Variants in TENM1 observed in about 807,000 individuals in gnomAD.
TENM1 encodes teneurin-1.
TENM1 carries 35 observed loss-of-function variants against 174.8 expected under a neutral mutation model. That is an observed-to-expected ratio of 0.20 (90% confidence interval 0.15 to 0.27). The LOEUF (loss-of-function observed/expected upper bound fraction) is 0.27. TENM1 is among the 10% of genes least tolerant of loss of function. The pLI is 1.00. For missense variants in TENM1, 1,633 were observed against 2,130.1 expected (o/e 0.77, Z 4.59); for synonymous variants, 781 against 798.7 (o/e 0.98, Z 0.37).
chrX:124,699,075 T>C (rs2052715535), intron 5 of TENM1, among the ~76,000 whole-genome samples: 1 of 112,164 alleles, frequency 8.9e-6, no homozygotes. Context: ...CTTAACGACT[T>C]ATGCAATGTG....
intron 14 of TENM1, among the ~76,000 whole-genome samples, chrX:124,555,690 A>G (rs988906670): frequency 2.7e-5 from 3 of 112,070 alleles, no homozygotes; most frequent in African/African-American, 9.7e-5. Flanking sequence ...CTTTATGAAA[A>G]GTTAATGGGG....
At chrX:125,010,509 C>A in the TENM1 span, among the ~76,000 whole-genome samples, 1 of 106,818 alleles carries the variant, frequency 9.4e-6, no homozygotes, top group African/African-American at 3.4e-5. Context: ...ACATTCTTCA[C>A]AGAATTAGAA....
At chrX:124,671,904 C>G in intron 5 of TENM1, 69 bp from the exon 9 acceptor site, 1 of 1,098,894 alleles carries the variant, frequency 9.1e-7, no homozygotes, top group South Asian at 2.1e-5. Flanking sequence ...CCAGGTATCC[C>G]TTTGCACCTA....
rs754185666 is a variant in TENM1 at position 124,388,690 on chromosome X, A to G, written c.5689-2626T>C. Among the ~76,000 whole-genome samples the G allele has an allele frequency of 2.7e-5, 3 of 112,412 alleles. No homozygotes were observed. In the South Asian group the frequency reaches 1.1e-3, roughly 41 times the overall value. ...AGCAACAACAACAGCAACAGCAATC[A>G]TGGCTGTATGCTTATTTGAACAAGA... On this transcript the variant is annotated intron_variant, in intron 28 of 31. Transcript: ENST00000422452.
intron 11 of TENM1, among the ~76,000 whole-genome samples, chrX:124,625,008 T>C (rs2050603164): frequency 8.9e-6 from 1 of 111,842 alleles, no homozygotes; most frequent in African/African-American, 3.2e-5. Context: ...AACACTGCTA[T>C]CTGCACACTA....
intron 11 of TENM1, among the ~76,000 whole-genome samples, chrX:124,634,274 G>A (rs967125696): frequency 1.8e-5 from 2 of 111,230 alleles, no homozygotes; most frequent in East Asian, 2.8e-4. Flanking sequence ...TAAGTCCAGG[G>A]AATTTGTAGC....
the TENM1 span, among the ~76,000 whole-genome samples, chrX:125,024,936 C>A: frequency 0.16 from 4,653 of 29,580 alleles, 216 homozygotes; most frequent in African/African-American, 0.38. Context: ...AGAGAGGCCG[C>A]CAATTTCCAA....
At chrX:124,977,405 C>A in the TENM1 span, among the ~76,000 whole-genome samples, 3 of 111,378 alleles carry the variant, frequency 2.7e-5, no homozygotes, top group African/African-American at 9.8e-5. Flanking sequence ...AATTACTGAA[C>A]TTGTTGCTTT....
chrX:124,792,208 T>C (rs2055196122), intron 3 of TENM1, among the ~76,000 whole-genome samples: 1 of 111,810 alleles, frequency 8.9e-6, no homozygotes, highest in Non-Finnish European at 1.9e-5. Flanking sequence ...ATTTGAAAAA[T>C]AAATTCATTT....
intron 8 of TENM1, 63 bp from the exon 12 acceptor site, chrX:124,646,873 T>A: frequency 3.7e-6 from 3 of 819,194 alleles, no homozygotes; most frequent in Non-Finnish European, 5.2e-6. Context: ...AGTCTTTATT[T>A]TTTTTTAAGT....
chrX:125,195,959 A>C, the TENM1 span, among the ~76,000 whole-genome samples: 1 of 107,957 alleles, frequency 9.3e-6, no homozygotes, highest in Non-Finnish European at 1.9e-5. Context: ...CCTTAAAAGT[A>C]GTTTAAAAAG....
upstream of TENM1, among the ~76,000 whole-genome samples, chrX:124,966,745 TA>T (rs2058733038): frequency 8.9e-6 from 1 of 111,833 alleles, no homozygotes; most frequent in African/African-American, 3.2e-5. Flanking sequence ...ACACACTATA[TA>T]TTTTTTATTT....
At chrX:125,135,188 T>G in the TENM1 span, among the ~76,000 whole-genome samples, 1 of 112,033 alleles carries the variant, frequency 8.9e-6, no homozygotes, top group African/African-American at 3.2e-5. Context: ...TAAAAGTTGC[T>G]GGGTTTCATC....
At chrX:124,989,157 T>C in the TENM1 span, among the ~76,000 whole-genome samples, 1 of 111,498 alleles carries the variant, frequency 9.0e-6, no homozygotes, top group African/African-American at 3.2e-5. Flanking sequence ...ATATAGAGAA[T>C]CCTAAGATGT....
intron 3 of TENM1, among the ~76,000 whole-genome samples, chrX:124,849,292 C>T (rs1318322002): frequency 1.8e-5 from 2 of 111,230 alleles, no homozygotes; most frequent in African/African-American, 6.5e-5. Flanking sequence ...TTGAGTACAA[C>T]CTGTAACTTC....
chrX:125,068,772 G>A, the TENM1 span, among the ~76,000 whole-genome samples: 15 of 111,827 alleles, frequency 1.3e-4, no homozygotes, highest in African/African-American at 4.9e-4. Flanking sequence ...AGAATTACTT[G>A]AAAGTGCACT....
chrX:124,547,103 C>T lies in TENM1; in HGVS notation c.2435-13G>A. ...TCGGTTAAACCATCTGGAAATAAAA[C>T]CCAAAACCAATATTGATTATTTAGC... is the stretch of plus-strand genomic sequence containing the variant. On this transcript the variant is annotated splice_polypyrimidine_tract_variant and intron_variant, in intron 14 of 31. Transcript: ENST00000422452. 6 of 1,163,702 alleles carry T rather than the reference C, an allele frequency of 5.2e-6. No homozygotes were observed. Among genetic ancestry groups the T allele is most frequent in the African/African-American group, 1.8e-5 (1 of 56,730 alleles).
At chrX:124,520,587 A>T in exon 18 of TENM1, 1 of 1,211,625 alleles carries the variant, frequency 8.3e-7, no homozygotes, top group Non-Finnish European at 1.1e-6. Context: ...ATGTGTAGAC[A>T]AGATTAATTG....
intron 4 of TENM1, among the ~76,000 whole-genome samples, chrX:124,728,139 T>C (rs1460132154): frequency 9.1e-6 from 1 of 109,862 alleles, no homozygotes; most frequent in African/African-American, 3.3e-5. Context: ...AAAGAGACTT[T>C]CTGAAGAAAA....
Sources: allele counts gnomAD v4.1 joint callset (sites outside exome capture counted in the v4.1 genomes callset), GRCh38; gene constraint gnomAD v4.1.1; transcripts MANE v1.5; gene names NCBI Gene and HGNC (gene_info 2026-07-23, HGNC 2026-07-21).